The following NINL variants were observed in gnomAD, a reference collection of about 807,000 sequenced individuals.
The protein encoded by NINL is ninein-like protein.
In NINL, 153 loss-of-function variants were observed where a neutral mutation model predicts 160.3. The observed-to-expected ratio is 0.95, with a 90% CI of 0.84 to 1.09. The LOEUF (loss-of-function observed/expected upper bound fraction) is 1.09, where lower values mean the gene tolerates loss of function less well. Ranked by LOEUF, NINL falls within the 50% of genes least tolerant of loss-of-function variation. The pLI, the probability that NINL is intolerant of heterozygous loss-of-function variation, is 0.00. For synonymous variants in NINL, 800 were observed against 734.8 expected, an observed-to-expected ratio of 1.09 and a Z score of -1.43; for missense variants, 1,829 against 1,764.0, an observed-to-expected ratio of 1.04 and a Z score of -0.66.
chr20:25,518,967 G>A (rs1029025445), intron 2 of NINL, among the ~76,000 whole-genome samples: 6 of 151,890 alleles, frequency 4.0e-5, no homozygotes, highest in Admixed American at 6.5e-5. Flanking sequence ...GCATGCTGGC[G>A]TGTGCCTGTA....
chr20:25,564,596 G>A (rs564296120), intron 1 of NINL, among the ~76,000 whole-genome samples: 130 of 152,234 alleles, frequency 8.5e-4, no homozygotes, highest in African/African-American at 3.0e-3. Flanking sequence ...GGGATTACAA[G>A]CGTGAGCCAC....
chr20:25,469,934 A>G lies in NINL; in HGVS notation c.3353+57T>C, dbSNP rs1478004539. The G allele has an allele frequency of 2.5e-6, 3 of 1,182,156 alleles. No homozygotes were observed. The African/African-American group carries it at 4.5e-5, about 18-fold the overall frequency. 73.2% of individuals were successfully genotyped at this position (1,182,156 alleles called of 1,614,324 possible). A position where few individuals can be genotyped will look rare whatever the true frequency, so the allele number is the denominator to read the frequency against. ...GTCTATATGGAGACTGCATAAGGTCACTCTACGGAGGGCAAAACGCACCCC... is the reference window on the plus strand; with the variant it reads ...GTCTATATGGAGACTGCATAAGGTCGCTCTACGGAGGGCAAAACGCACCCC... On this transcript the variant is annotated intron_variant, in intron 18 of 23. Transcript: ENST00000278886.
intron 19 of NINL, 91 bp downstream of exon 19, chr20:25,467,298 C>A: frequency 8.7e-7 from 1 of 1,145,422 alleles, no homozygotes; most frequent in South Asian, 1.2e-5. Context: ...GAAGAATATT[C>A]TCTACTTCCT....
At chr20:25,491,598 A>G (rs914649519) in intron 10 of NINL, 73 bp from the exon 11 acceptor site, 135 of 1,536,266 alleles carry the variant, frequency 8.8e-5, no homozygotes, top group Non-Finnish European at 1.2e-4. Flanking sequence ...CCCCCTTCCT[A>G]GCCTCCTCCC....
In NINL at chr20:25,453,314, T is replaced by C; in HGVS notation, c.*137A>G. The C allele has an allele frequency of 1.4e-6, 1 of 718,296 alleles. No individual in the cohort carries two copies. The highest frequency in any genetic ancestry group is 2.3e-5 in the South Asian group (1 of 42,592). The allele number at this position is 718,296 out of a possible 1,614,324, so 44.5% of individuals were successfully genotyped here. On this transcript the variant is annotated 3_prime_UTR_variant, in exon 24 of 24. Transcript: ENST00000278886. Reference sequence around the variant, plus strand: ...TGCCCAGGGCAGACCATTCATTAACTATCTGCGGGGTGAACAAAGAATCCC... The same window carrying C: ...TGCCCAGGGCAGACCATTCATTAACCATCTGCGGGGTGAACAAAGAATCCC...
At chr20:25,488,371 G>C (rs965755302) in intron 13 of NINL, among the ~76,000 whole-genome samples, 1 of 152,136 alleles carries the variant, frequency 6.6e-6, no homozygotes, top group African/African-American at 2.4e-5. Flanking sequence ...GACTACAGGC[G>C]TGCAGCACCA....
chr20:25,476,948 C>T lies in NINL; in HGVS notation c.2343G>A (p.Leu781=), dbSNP rs749236936. 9.9e-6 allele frequency: 16 copies of T among 1,610,552 alleles called. No homozygotes were observed. In the South Asian group the frequency reaches 1.8e-4, roughly 18 times the overall value. The change falls in exon 17 of 24, where the codon CTG becomes CTA. Residue 781 remains leucine, a synonymous_variant. Coordinates refer to ENST00000278886, the MANE Select transcript of NINL (RefSeq NM_025176.6). Reference sequence around the variant, plus strand: ...AGGGCTGCAGCTTCAGTGCCCTCTCCAGCTCCAGCTGCTCCGACCTCTGGC... The same window carrying T: ...AGGGCTGCAGCTTCAGTGCCCTCTCTAGCTCCAGCTGCTCCGACCTCTGGC... The part of the protein sequence containing the change: ...RGSQRSEQLE[L]ERALKLQPCA...
chr20:25,525,588 A>G lies in NINL; in HGVS notation c.180+820T>C, dbSNP rs1211284731. On this transcript the variant is annotated intron_variant, in intron 2 of 23. Coordinates refer to ENST00000278886, the MANE Select transcript of NINL (RefSeq NM_025176.6). Reference sequence around the variant, plus strand: ...AGGATTGCTTGAGTCTGGGAGTTGAAGGTTGCAGTGAGCTGAGACGGCTCC... The same window carrying G: ...AGGATTGCTTGAGTCTGGGAGTTGAGGGTTGCAGTGAGCTGAGACGGCTCC... Among the ~76,000 whole-genome samples, 7 of 152,288 alleles carry G rather than the reference A, an allele frequency of 4.6e-5. No individual in the cohort carries two copies. In the East Asian group the frequency reaches 1.2e-3, roughly 25 times the overall value.
At chr20:25,527,286 TG>T (rs934708231) in intron 1 of NINL, among the ~76,000 whole-genome samples, 7 of 152,152 alleles carry the variant, frequency 4.6e-5, no homozygotes, top group African/African-American at 1.7e-4. Flanking sequence ...CACAAGTAGC[TG>T]GGACTACAGG....
chr20:25,524,134 T>C (rs2064311603), intron 2 of NINL, among the ~76,000 whole-genome samples: 1 of 152,082 alleles, frequency 6.6e-6, no homozygotes, highest in South Asian at 2.1e-4. Context: ...CTGTGGGAGC[T>C]CTGCCCTGTC....
intron 13 of NINL, among the ~76,000 whole-genome samples, chr20:25,485,805 C>G (rs186788254): frequency 2.1e-4 from 32 of 152,290 alleles, no homozygotes; most frequent in Admixed American, 1.8e-3. Context: ...AGAATTTTCT[C>G]CTTTTCTCAG....
intron 8 of NINL, 109 bp from the exon 9 acceptor site, chr20:25,498,455 C>T: frequency 7.2e-7 from 1 of 1,389,342 alleles, no homozygotes; most frequent in South Asian, 1.3e-5. Flanking sequence ...CTGTCCCAGG[C>T]AGCACCTGCC....
At chr20:25,499,215 C>T in intron 8 of NINL, 1 of 985,362 alleles carries the variant, frequency 1.0e-6, no homozygotes, top group Non-Finnish European at 1.2e-6. Context: ...GGGGAGCCGC[C>T]TGGAAAGCTG....
intron 1 of NINL, among the ~76,000 whole-genome samples, chr20:25,567,111 A>G (rs2065006425): frequency 6.6e-6 from 1 of 152,218 alleles, no homozygotes; most frequent in African/African-American, 2.4e-5. Flanking sequence ...GTCTCAAAAA[A>G]AAAATTTTCT....
intron 1 of NINL, among the ~76,000 whole-genome samples, chr20:25,576,540 C>A (rs1433852192): frequency 6.6e-6 from 1 of 152,160 alleles, no homozygotes; most frequent in Admixed American, 6.5e-5. Context: ...CTCACTGTAG[C>A]CTCCACTTCC....
chr20:25,458,081 C>T (rs1214592651), intron 22 of NINL, among the ~76,000 whole-genome samples: 1 of 152,170 alleles, frequency 6.6e-6, no homozygotes, highest in Non-Finnish European at 1.5e-5. Flanking sequence ...GGTCCCTGTT[C>T]CCCTGGAACA....
At chr20:25,481,857 A>G in intron 14 of NINL, 111 bp downstream of exon 14, 1 of 1,446,216 alleles carries the variant, frequency 6.9e-7, no homozygotes, top group Non-Finnish European at 9.3e-7. Context: ...ACCTCCCTTC[A>G]GGTCACAGCA....
At chr20:25,510,604 G>T in intron 5 of NINL, 70 bp downstream of exon 5, 5 of 1,368,052 alleles carry the variant, frequency 3.7e-6, no homozygotes, top group South Asian at 3.5e-5. Context: ...ACTGCCCAAT[G>T]ACCCGGCTGT....
chr20:25,504,675 C>T (rs554593478), intron 6 of NINL, among the ~76,000 whole-genome samples: 47 of 152,290 alleles, frequency 3.1e-4, no homozygotes, highest in South Asian at 1.9e-3. Flanking sequence ...GGCAGGGAGT[C>T]GGTGAGACTG....
Sources: allele counts gnomAD v4.1 joint callset (sites outside exome capture counted in the v4.1 genomes callset), GRCh38; gene constraint gnomAD v4.1.1; transcripts MANE v1.5; gene names NCBI Gene and HGNC (gene_info 2026-07-23, HGNC 2026-07-21).